RBFOX3: variants seen among roughly 807,000 people sequenced by gnomAD.
RBFOX3 encodes RNA binding protein fox-1 homolog 3.
A neutral mutation model predicts 48.7 loss-of-function variants in RBFOX3; 17 were observed. The ratio of observed to expected loss-of-function variants is 0.35; its 90% confidence interval spans 0.24 to 0.52. RBFOX3 has a LOEUF of 0.52. Among genes scored for constraint, RBFOX3 ranks in the 20% least tolerant of loss-of-function variants. The probability of loss-of-function intolerance (pLI) is 0.94; values close to 1 mark genes in which losing one functional copy is unlikely to be tolerated. For missense variants in RBFOX3, 382 were observed against 497.5 expected (o/e 0.77, Z 2.21); for synonymous variants, 212 against 209.5 (o/e 1.01, Z -0.10).
At chr17:79,136,749 GC>G (rs2040298667) in intron 4 of RBFOX3, among the ~76,000 whole-genome samples, 1 of 152,168 alleles carries the variant, frequency 6.6e-6, no homozygotes, top group Admixed American at 6.5e-5. Context: ...TCAAATGCCT[GC>G]CCCAGGGCAG....
intron 1 of RBFOX3, among the ~76,000 whole-genome samples, chr17:79,562,347 T>C (rs1490816144): frequency 2.0e-5 from 3 of 152,190 alleles, no homozygotes; most frequent in Non-Finnish European, 2.9e-5. Context: ...TCTCCTCTCT[T>C]GAGTACTTGA....
intron 4 of RBFOX3, among the ~76,000 whole-genome samples, chr17:79,192,836 C>T (rs2054796331): frequency 6.6e-6 from 1 of 152,228 alleles, no homozygotes; most frequent in Non-Finnish European, 1.5e-5. Flanking sequence ...CCAAAACATC[C>T]TCGCCTGTTG....
chr17:79,306,245 G>C (rs1485216445), intron 3 of RBFOX3, among the ~76,000 whole-genome samples: 1 of 152,246 alleles, frequency 6.6e-6, no homozygotes, highest in Admixed American at 6.5e-5. Flanking sequence ...ACCCATGCAC[G>C]GCAATGGCGG....
At chr17:79,569,611 C>A (rs2092592000) in intron 1 of RBFOX3, among the ~76,000 whole-genome samples, 2 of 152,182 alleles carry the variant, frequency 1.3e-5, no homozygotes, top group Non-Finnish European at 2.9e-5. Flanking sequence ...AATCTGCCAA[C>A]CTGCAGATTA....
chr17:79,259,009 G>T (rs2065310650), intron 3 of RBFOX3, among the ~76,000 whole-genome samples: 1 of 152,256 alleles, frequency 6.6e-6, no homozygotes, highest in Admixed American at 6.5e-5. Flanking sequence ...AGCTGCTTTT[G>T]CAGAGTCGCT....
intron 13 of RBFOX3, among the ~76,000 whole-genome samples, 192 bp from the exon 14 acceptor site, chr17:79,094,721 G>A (rs1011868250): frequency 3.3e-5 from 5 of 149,962 alleles, no homozygotes; most frequent in African/African-American, 1.2e-4. Context: ...GGAAGCTTCT[G>A]GAACACAACA....
At chr17:79,582,599 T>A (rs2093109365) in intron 1 of RBFOX3, among the ~76,000 whole-genome samples, 1 of 152,032 alleles carries the variant, frequency 6.6e-6, no homozygotes, top group African/African-American at 2.4e-5. Flanking sequence ...GCCTACGCAT[T>A]TGAGACCATC....
intron 1 of RBFOX3, among the ~76,000 whole-genome samples, chr17:79,551,507 G>C (rs1255914346): frequency 2.3e-5 from 3 of 131,510 alleles, no homozygotes; most frequent in African/African-American, 8.3e-5. Context: ...GGATGGACGG[G>C]TAGGTGGATG....
rs895547218 is a variant in RBFOX3, at chr17:79,481,172, G to A, written c.-175+1282C>T. On this transcript the variant is annotated intron_variant, in intron 2 of 14. Coordinates refer to ENST00000693108, the MANE Select transcript of RBFOX3 (RefSeq NM_001350451.2). The surrounding 1 kb of genome is among the most constrained non-coding windows in gnomAD (Gnocchi z 5.4). ...AGCATCTTTTGATGGGTATTGGAGA[G>A]ACCAGCCTGTGTCCGGGCCTCTGGT... 1.2e-4 allele frequency among the ~76,000 whole-genome samples: 19 copies of A among 152,170 alleles called. No homozygotes were observed. Among genetic ancestry groups the A allele is most frequent in the Non-Finnish European group, 7.3e-5 (5 of 68,034 alleles).
the RBFOX3 span, among the ~76,000 whole-genome samples, chr17:79,649,360 C>T: frequency 6.6e-6 from 1 of 152,230 alleles, no homozygotes; most frequent in Non-Finnish European, 1.5e-5. Flanking sequence ...TTTATCCTGA[C>T]TCACCCAACA....
intron 3 of RBFOX3, among the ~76,000 whole-genome samples, chr17:79,305,150 T>G (rs1188875730): frequency 3.3e-5 from 5 of 151,624 alleles, no homozygotes; most frequent in Non-Finnish European, 7.4e-5. Flanking sequence ...CCTCCGATGG[T>G]GGCCCCAGGT....
intron 2 of RBFOX3, among the ~76,000 whole-genome samples, chr17:79,375,953 TCA>T (rs1316214139): frequency 2.0e-5 from 3 of 152,252 alleles, no homozygotes; most frequent in Admixed American, 1.3e-4. Context: ...TGTGCTTCCC[TCA>T]CAGTGTGGAG....
At chr17:79,300,848 T>A (rs1219530060) in intron 3 of RBFOX3, among the ~76,000 whole-genome samples, 1 of 152,134 alleles carries the variant, frequency 6.6e-6, no homozygotes, top group Non-Finnish European at 1.5e-5. Flanking sequence ...AAAAGATGAA[T>A]GGGTCTTGGG....
chr17:79,197,989 C>T (rs771943271), intron 4 of RBFOX3, among the ~76,000 whole-genome samples: 8 of 152,152 alleles, frequency 5.3e-5, no homozygotes, highest in African/African-American at 7.2e-5. Flanking sequence ...GTGACTGCGG[C>T]GCGTGCTTCT....
intron 2 of RBFOX3, among the ~76,000 whole-genome samples, chr17:79,433,707 C>G (rs2068881839): frequency 6.6e-6 from 1 of 152,096 alleles, no homozygotes; most frequent in Non-Finnish European, 1.5e-5. Flanking sequence ...CCAGCCCACA[C>G]TGACCTGCAG....
intron 2 of RBFOX3, among the ~76,000 whole-genome samples, chr17:79,460,563 A>T (rs2075246921): frequency 6.6e-6 from 1 of 152,190 alleles, no homozygotes; most frequent in African/African-American, 2.4e-5. Flanking sequence ...CCATGCTATG[A>T]TGGTTTAAAT....
intron 2 of RBFOX3, among the ~76,000 whole-genome samples, chr17:79,425,446 A>G (rs1555724995): frequency 6.6e-6 from 1 of 152,204 alleles, no homozygotes; most frequent in Non-Finnish European, 1.5e-5. Flanking sequence ...CAGAGGAAGG[A>G]GGCACCTCCC....
intron 4 of RBFOX3, among the ~76,000 whole-genome samples, chr17:79,172,346 A>G (rs2145782826): frequency 6.6e-6 from 1 of 152,316 alleles, no homozygotes; most frequent in Admixed American, 6.5e-5. Flanking sequence ...GATTTTGCCC[A>G]CTTTGCCACA....
the RBFOX3 span, among the ~76,000 whole-genome samples, chr17:79,633,787 C>A: frequency 0.048 from 7,252 of 152,218 alleles, 467 homozygotes; most frequent in Admixed American, 0.13. Context: ...TCCTTCCAAC[C>A]CTTCACCCCA....
Sources: allele counts gnomAD v4.1 joint callset (sites outside exome capture counted in the v4.1 genomes callset), GRCh38; gene constraint gnomAD v4.1.1; non-coding constraint Gnocchi (gnomAD v3.1); transcripts MANE v1.5; gene names NCBI Gene and HGNC (gene_info 2026-07-23, HGNC 2026-07-21).